Variants in PDE1A observed in about 807,000 individuals in gnomAD.
The protein encoded by PDE1A is dual specificity calcium/calmodulin-dependent 3',5'-cyclic nucleotide phosphodiesterase 1A.
A neutral mutation model predicts 61.7 loss-of-function variants in PDE1A; 35 were observed. That is an observed-to-expected ratio of 0.57 (90% confidence interval 0.43 to 0.75). The LOEUF (loss-of-function observed/expected upper bound fraction) is 0.75, where lower values mean the gene tolerates loss of function less well. Among genes scored for constraint, PDE1A ranks in the 30% least tolerant of loss-of-function variants. The pLI is 0.00. For synonymous variants in PDE1A, 232 were observed against 213.2 expected (o/e 1.09, Z -0.77); for missense variants, 597 against 630.6 (o/e 0.95, Z 0.57).
the PDE1A span, among the ~76,000 whole-genome samples, chr2:182,564,125 A>C: frequency 2.0e-5 from 3 of 152,138 alleles, no homozygotes; most frequent in East Asian, 5.8e-4. Flanking sequence ...TTTGCTCGTT[A>C]GTTGATGCAG....
At chr2:182,551,988 A>T in the PDE1A span, among the ~76,000 whole-genome samples, 1 of 152,222 alleles carries the variant, frequency 6.6e-6, no homozygotes, top group African/African-American at 2.4e-5. Context: ...ATAAAGTCAC[A>T]GGGGTGTGTG....
intron 1 of PDE1A, among the ~76,000 whole-genome samples, chr2:182,280,987 T>C (rs967429483): frequency 1.3e-5 from 2 of 151,908 alleles, no homozygotes; most frequent in African/African-American, 2.4e-5. Flanking sequence ...CCATTTGGTA[T>C]TGGAAAAATT....
chr2:182,700,721 CAA>C, the PDE1A span, among the ~76,000 whole-genome samples: 15 of 24,006 alleles, frequency 6.2e-4, 2 homozygotes, highest in South Asian at 0.012. Context: ...GACTCCATCT[CAA>C]AAAAAAAAAA....
At chr2:182,462,363 T>C (rs775696268) in intron 2 of PDE1A, among the ~76,000 whole-genome samples, 1 of 151,084 alleles carries the variant, frequency 6.6e-6, no homozygotes, top group Non-Finnish European at 1.5e-5. Context: ...TATATATATG[T>C]GTGTGTATAT....
chr2:182,677,031 C>G, the PDE1A span, among the ~76,000 whole-genome samples: 18 of 152,262 alleles, frequency 1.2e-4, no homozygotes, highest in African/African-American at 4.3e-4. Context: ...CTCACCACTC[C>G]TATTCAACAT....
the PDE1A span, among the ~76,000 whole-genome samples, chr2:182,538,605 T>A: frequency 7.8e-4 from 119 of 152,284 alleles, 1 homozygote; most frequent in African/African-American, 2.7e-3. Flanking sequence ...TCACTTTTAA[T>A]TATAAAATTA....
chr2:182,501,534 T>C (rs569120893), intron 2 of PDE1A, among the ~76,000 whole-genome samples: 1 of 152,328 alleles, frequency 6.6e-6, no homozygotes, highest in South Asian at 2.1e-4. Context: ...AATGTAAAGG[T>C]GCTCACAGAA....
chr2:182,298,652 G>GC (rs1245657652), intron 1 of PDE1A, among the ~76,000 whole-genome samples: 1 of 152,036 alleles, frequency 6.6e-6, no homozygotes, highest in East Asian at 1.9e-4. Context: ...AGCTAATCTT[G>GC]CCCCACTTTA....
chr2:182,271,404 T>A (rs1693015494), intron 1 of PDE1A, among the ~76,000 whole-genome samples: 1 of 152,120 alleles, frequency 6.6e-6, no homozygotes, highest in African/African-American at 2.4e-5. Context: ...AATATGTGAC[T>A]GAAAAAAACT....
chr2:182,686,818 G>A, the PDE1A span, among the ~76,000 whole-genome samples: 1 of 152,220 alleles, frequency 6.6e-6, no homozygotes, highest in South Asian at 2.1e-4. Flanking sequence ...GGAAAATTGG[G>A]TCACTCCCAC....
chr2:182,428,255 A>T (rs1283113253), upstream of PDE1A, among the ~76,000 whole-genome samples: 1 of 152,120 alleles, frequency 6.6e-6, no homozygotes, highest in Non-Finnish European at 1.5e-5. Flanking sequence ...TGTAAAATGA[A>T]ATTATAATAT....
chr2:182,178,264 C>G (rs1408748974), intron 13 of PDE1A, among the ~76,000 whole-genome samples: 1 of 152,098 alleles, frequency 6.6e-6, no homozygotes, highest in Non-Finnish European at 1.5e-5. Flanking sequence ...ACCTTCCCAC[C>G]CATACTTCCA....
intron 2 of PDE1A, among the ~76,000 whole-genome samples, chr2:182,509,936 G>T (rs1689679054): frequency 2.6e-5 from 4 of 152,126 alleles, no homozygotes; most frequent in Admixed American, 2.0e-4. Context: ...TGTTTTAAAA[G>T]AATCCCTTGA....
chr2:182,711,529 GAGA>G, the PDE1A span, among the ~76,000 whole-genome samples: 1 of 151,666 alleles, frequency 6.6e-6, no homozygotes, highest in Non-Finnish European at 1.5e-5. Context: ...TTTGTCCACC[GAGA>G]AGACCTGGAA....
At chr2:182,656,075 A>G in the PDE1A span, among the ~76,000 whole-genome samples, 1 of 152,160 alleles carries the variant, frequency 6.6e-6, no homozygotes, top group Admixed American at 6.5e-5. Context: ...TTATACAGTC[A>G]TTATTTCCCC....
At chr2:182,678,824 G>T in the PDE1A span, among the ~76,000 whole-genome samples, 1 of 152,180 alleles carries the variant, frequency 6.6e-6, no homozygotes, top group East Asian at 1.9e-4. Context: ...AATGGAGAGG[G>T]TTGGTCAACA....
the PDE1A span, among the ~76,000 whole-genome samples, chr2:182,668,011 C>T: frequency 1.3e-5 from 2 of 152,148 alleles, no homozygotes; most frequent in African/African-American, 4.8e-5. Context: ...AGATGCAACA[C>T]CCTTCCCAAC....
At chr2:182,348,539 C>T (rs763358230) in intron 1 of PDE1A, among the ~76,000 whole-genome samples, 18 of 152,074 alleles carry the variant, frequency 1.2e-4, no homozygotes, top group African/African-American at 2.9e-4. Flanking sequence ...CCTGGTTCTT[C>T]GCACATGTTC....
At chr2:182,331,931 C>A (rs1426661299) in intron 1 of PDE1A, among the ~76,000 whole-genome samples, 4 of 152,104 alleles carry the variant, frequency 2.6e-5, no homozygotes, top group Non-Finnish European at 4.4e-5. Context: ...TGGATAATAA[C>A]CTGAAGAGTG....
Sources: allele counts gnomAD v4.1 joint callset (sites outside exome capture counted in the v4.1 genomes callset), GRCh38; gene constraint gnomAD v4.1.1; transcripts MANE v1.5; gene names NCBI Gene and HGNC (gene_info 2026-07-23, HGNC 2026-07-21).